Variants in SUGCT observed in about 807,000 individuals in gnomAD.
SUGCT encodes succinyl-CoA:glutarate-CoA transferase, also known as succinyl-CoA:glutarate CoA-transferase.
SUGCT carries 41 observed loss-of-function variants against 55.0 expected under a neutral mutation model. That is an observed-to-expected ratio of 0.74 (90% CI 0.58 to 0.97). The LOEUF is 0.97. Ranked by LOEUF, SUGCT falls within the 50% of genes least tolerant of loss-of-function variation. The probability of loss-of-function intolerance (pLI) is 0.00; values close to 1 mark genes in which losing one functional copy is unlikely to be tolerated. For synonymous variants in SUGCT, 187 were observed against 200.4 expected (o/e 0.93, Z 0.56); for missense variants, 568 against 547.8 (o/e 1.04, Z -0.37).
chr7:40,767,100 C>T (rs1323131799), intron 13 of SUGCT, among the ~76,000 whole-genome samples: 1 of 152,130 alleles, frequency 6.6e-6, no homozygotes, highest in East Asian at 1.9e-4. Flanking sequence ...GTTCCAGTGA[C>T]TTAAGACTTT....
chr7:40,990,162 A>G, the SUGCT span, among the ~76,000 whole-genome samples: 3 of 152,200 alleles, frequency 2.0e-5, no homozygotes, highest in Admixed American at 1.3e-4. Flanking sequence ...TGGAAGTTGA[A>G]ATGGCTTCTT....
intron 13 of SUGCT, among the ~76,000 whole-genome samples, chr7:40,777,260 T>A (rs1281812953): frequency 2.0e-5 from 3 of 152,176 alleles, no homozygotes; most frequent in African/African-American, 7.2e-5. Context: ...CCTACTTGCT[T>A]TTTTTTCTAC....
chr7:41,000,597 A>G, the SUGCT span, among the ~76,000 whole-genome samples: 1 of 152,108 alleles, frequency 6.6e-6, no homozygotes, highest in Non-Finnish European at 1.5e-5. Context: ...TGTAAGCCAG[A>G]GTGAGAAATT....
intron 9 of SUGCT, among the ~76,000 whole-genome samples, chr7:40,404,154 T>A (rs143477374): frequency 7.3e-4 from 111 of 152,304 alleles, no homozygotes; most frequent in African/African-American, 2.6e-3. Flanking sequence ...AAAGGGCCTC[T>A]GCCAGGACCT....
intron 13 of SUGCT, among the ~76,000 whole-genome samples, chr7:40,851,348 G>A (rs1343303649): frequency 6.6e-6 from 1 of 152,330 alleles, no homozygotes; most frequent in East Asian, 1.9e-4. Flanking sequence ...ATGTTGTTGT[G>A]AGGATCAAAT....
the SUGCT span, among the ~76,000 whole-genome samples, chr7:40,991,482 C>T: frequency 1.2e-4 from 19 of 152,070 alleles, no homozygotes; most frequent in East Asian, 5.8e-4. Context: ...AAAATGACAC[C>T]GATAGACTTG....
intron 9 of SUGCT, among the ~76,000 whole-genome samples, chr7:40,400,794 G>A (rs1786022039): frequency 6.6e-6 from 1 of 152,090 alleles, no homozygotes; most frequent in Admixed American, 6.6e-5. Context: ...TACTTTCAGG[G>A]TCCTTCGATA....
intron 10 of SUGCT, among the ~76,000 whole-genome samples, chr7:40,450,738 C>T (rs1262695491): frequency 6.6e-6 from 1 of 151,364 alleles, no homozygotes; most frequent in African/African-American, 2.4e-5. Flanking sequence ...TGCGCCACTG[C>T]ACTCAAGCCT....
In SUGCT at chr7:40,335,510, A is replaced by G. The variant is rs528420650; in HGVS notation, c.816+18655A>G. ...TAGGTATTTTATTCTCTTTGAAGCA[A>G]TTGTGAATGGGAGTTCACTCATGAT... On this transcript the variant is annotated intron_variant, in intron 9 of 13. Coordinates refer to ENST00000335693, the MANE Select transcript of SUGCT (RefSeq NM_001193313.2). Among the ~76,000 whole-genome samples the G allele has an allele frequency of 4.0e-3, 603 of 152,094 alleles. 3 individuals carry two copies. Among genetic ancestry groups the G allele is most frequent in the African/African-American group, 0.013 (550 of 41,474 alleles).
intron 12 of SUGCT, among the ~76,000 whole-genome samples, chr7:40,716,537 T>C (rs1409994524): frequency 6.6e-6 from 1 of 152,230 alleles, no homozygotes; most frequent in African/African-American, 2.4e-5. Flanking sequence ...TTAAATAGAA[T>C]AAGCTTTAAA....
chr7:40,930,360 C>T, the SUGCT span, among the ~76,000 whole-genome samples: 10 of 152,174 alleles, frequency 6.6e-5, no homozygotes, highest in Non-Finnish European at 1.2e-4. Flanking sequence ...AGCGTGATGC[C>T]TCCAGCTTTG....
chr7:40,271,940 T>C (rs1792046077), intron 7 of SUGCT, among the ~76,000 whole-genome samples: 1 of 151,682 alleles, frequency 6.6e-6, no homozygotes, highest in African/African-American at 2.4e-5. Context: ...TATTTGTCTT[T>C]CTGTGCTTGG....
chr7:40,794,405 A>G (rs1185099445), intron 13 of SUGCT, among the ~76,000 whole-genome samples: 2 of 152,144 alleles, frequency 1.3e-5, no homozygotes, highest in Non-Finnish European at 2.9e-5. Context: ...ATCACCCTCC[A>G]TGCTGTGTCA....
chr7:40,201,912 A>G (rs946166737), intron 6 of SUGCT, among the ~76,000 whole-genome samples: 6 of 152,142 alleles, frequency 3.9e-5, no homozygotes, highest in African/African-American at 1.2e-4. Flanking sequence ...CTGTCCACTT[A>G]TTCTCTTTGC....
chr7:40,173,779 A>G (rs1438381406), intron 1 of SUGCT, among the ~76,000 whole-genome samples: 1 of 151,690 alleles, frequency 6.6e-6, no homozygotes, highest in Non-Finnish European at 1.5e-5. Flanking sequence ...ACAGGTGTAT[A>G]CATCTGTCAA....
intron 12 of SUGCT, among the ~76,000 whole-genome samples, chr7:40,515,073 A>G (rs1342588995): frequency 4.6e-4 from 70 of 152,302 alleles, no homozygotes. Context: ...ATGTGTGTGT[A>G]TATAGAGTTG....
intron 3 of SUGCT, among the ~76,000 whole-genome samples, chr7:40,184,575 C>T (rs1055467464): frequency 6.6e-5 from 10 of 152,034 alleles, no homozygotes; most frequent in African/African-American, 2.4e-4. Flanking sequence ...TCAAACGATC[C>T]TTCGACCTCA....
the SUGCT span, among the ~76,000 whole-genome samples, chr7:40,919,416 T>C: frequency 7.9e-5 from 12 of 152,208 alleles, no homozygotes; most frequent in African/African-American, 2.9e-4. Flanking sequence ...ATTTTCTGTT[T>C]AATCACTCAG....
chr7:40,259,701 C>T (rs905530245), intron 7 of SUGCT, among the ~76,000 whole-genome samples: 1 of 152,194 alleles, frequency 6.6e-6, no homozygotes, highest in Non-Finnish European at 1.5e-5. Context: ...TACCGACATT[C>T]ATTTGCTCAA....
Sources: allele counts gnomAD v4.1 joint callset (sites outside exome capture counted in the v4.1 genomes callset), GRCh38; gene constraint gnomAD v4.1.1; transcripts MANE v1.5; gene names NCBI Gene and HGNC (gene_info 2026-07-23, HGNC 2026-07-21).